Variants in DNAH17 observed in about 807,000 individuals in gnomAD.
DNAH17 encodes dynein axonemal heavy chain 17.
Under a neutral mutation model 485.6 loss-of-function variants are expected in DNAH17, and 376 were observed. The observed-to-expected ratio is 0.77, with a 90% CI of 0.71 to 0.84. The LOEUF (loss-of-function observed/expected upper bound fraction) is 0.84. Among genes scored for constraint, DNAH17 ranks in the 40% least tolerant of loss-of-function variants. The pLI is 0.00. For missense variants in DNAH17, 6,370 were observed against 5,839.3 expected (o/e 1.09, Z -2.96); for synonymous variants, 3,031 against 2,405.9 (o/e 1.26, Z -7.60).
chr17:78,434,141 G>A lies in DNAH17; in HGVS notation c.12113C>T (p.Ala4038Val), dbSNP rs985589314. The change falls in exon 75 of 81, where the codon GCA becomes GTA. Residue 4038 changes from alanine to valine, a missense_variant. Ala to Val is a moderately conservative substitution (Grantham distance 64, BLOSUM62 0). Transcript: ENST00000389840. ...CTGGGCGCCGAACTTGCGCCTCTCT[G>A]CCACCACAGCGTGGAAGTAGCACAG... ...FALCYFHAVV[A>V]ERRKFGAQGW... The A allele has an allele frequency of 8.1e-6, 13 of 1,613,540 alleles. No homozygotes were observed. The highest frequency in any genetic ancestry group is 1.1e-5 in the Non-Finnish European group (13 of 1,179,862).
intron 69 of DNAH17, among the ~76,000 whole-genome samples, chr17:78,447,556 A>C (rs1025435780): frequency 3.9e-5 from 6 of 152,196 alleles, no homozygotes; most frequent in Admixed American, 3.3e-4. Context: ...GATCCCATAG[A>C]GAGTTTCTTC....
intron 79 of DNAH17, 94 bp from the exon 80 acceptor site, chr17:78,425,665 C>T: frequency 8.7e-7 from 1 of 1,154,002 alleles, no homozygotes; most frequent in Non-Finnish European, 1.2e-6. Flanking sequence ...CACGCCAGAA[C>T]CTTCCACGGG....
At chr17:78,445,775 C>T in intron 69 of DNAH17, 95 bp from the exon 70 acceptor site, 2 of 1,424,136 alleles carry the variant, frequency 1.4e-6, no homozygotes, top group South Asian at 1.3e-5. Flanking sequence ...GTTCACACTC[C>T]CGGCCTGCAG....
Position 78,574,702 on chromosome 17 carries a change from G to T in DNAH17, c.345+11C>A. 1 of 1,586,256 alleles carries T rather than the reference G, an allele frequency of 6.3e-7. No individual in the cohort carries two copies. The highest frequency in any genetic ancestry group is 8.6e-7 in the Non-Finnish European group (1 of 1,163,802). On this transcript the variant is annotated intron_variant, in intron 2 of 80. Transcript: ENST00000389840. ...GCTCGACACCCCGGATGGCAGCCTG[G>T]ACGCACTCACCTCCTCCACCACCGC...
chr17:78,539,737 A>G lies in DNAH17; in HGVS notation c.2676T>C (p.Asp892=). 6.2e-7 allele frequency: 1 copy of G among 1,606,754 alleles called. No homozygotes were observed. Among genetic ancestry groups the G allele is most frequent in the South Asian group, 1.1e-5 (1 of 89,840 alleles). Reference sequence around the variant, plus strand: ...ATATTACCTTATGTTGATAACTTACATCTATAACCATGTTGTCCATTAGGA... The same window carrying G: ...ATATTACCTTATGTTGATAACTTACGTCTATAACCATGTTGTCCATTAGGA... ...LSFLMDNMVI[D]ESIAPLFEIR... is the part of the protein sequence containing the mutation. Residue 892 remains aspartate (D), a splice_region_variant and synonymous_variant, in exon 18 of 81, where the codon GAT becomes GAC. Transcript: ENST00000389840.
At chr17:78,549,610 A>C (rs1295298987) in intron 16 of DNAH17, among the ~76,000 whole-genome samples, 7 of 152,198 alleles carry the variant, frequency 4.6e-5, no homozygotes, top group Admixed American at 1.3e-4. Flanking sequence ...TTTAGTTAAA[A>C]ACTTCTGGTG....
In DNAH17 at chr17:78,459,773, C is replaced by T; in HGVS notation, c.9653+11G>A. On this transcript the variant is annotated intron_variant, in intron 60 of 80. Coordinates refer to ENST00000389840, the MANE Select transcript of DNAH17 (RefSeq NM_173628.4). ...GGGAAGCCCCGGCTACGAGGCCCAG[C>T]CCCGACTCACTTGAAGGCCTTCAGG... 1 of 1,613,878 alleles carries T rather than the reference C, an allele frequency of 6.2e-7. No individual in the cohort carries two copies. The highest frequency in any genetic ancestry group is 8.5e-7 in the Non-Finnish European group (1 of 1,179,798).
chr17:78,496,475 G>A (rs1412868226), intron 37 of DNAH17, among the ~76,000 whole-genome samples: 2 of 150,810 alleles, frequency 1.3e-5, no homozygotes, highest in South Asian at 4.2e-4. Context: ...GGCGGGGGGA[G>A]GGTGGGCGCG....
At chr17:78,506,909 C>T (rs2090500919) in intron 29 of DNAH17, 63 bp from the exon 30 acceptor site, 17 of 1,599,354 alleles carry the variant, frequency 1.1e-5, no homozygotes, top group Middle Eastern at 1.8e-4. Flanking sequence ...GTCTGCCACC[C>T]ACCCTGTCGG....
In DNAH17 at chr17:78,461,636, G is replaced by C. The variant is rs1470207320; in HGVS notation, c.9247C>G (p.Leu3083Val). The change falls in exon 58 of 81, where the codon CTG (leucine) becomes GTG (valine). Residue 3083 changes from leucine to valine, a missense_variant. Transcript: ENST00000389840. ...GCCTCGATGCCGACCACCTGGATCA[G>C]TTGGTCTGCGCTCTCATTCTTCTGC... The part of the protein sequence containing the change: ...LKQKNESADQ[L>V]IQVVGIEAEK... 6.2e-7 allele frequency: 1 copy of C among 1,611,796 alleles called. No homozygotes were observed. Among genetic ancestry groups the C allele is most frequent in the Non-Finnish European group, 8.5e-7 (1 of 1,179,268 alleles).
At chr17:78,563,282 C>G (rs1219687792) in intron 11 of DNAH17, among the ~76,000 whole-genome samples, 4 of 152,204 alleles carry the variant, frequency 2.6e-5, no homozygotes, top group Non-Finnish European at 5.9e-5. Flanking sequence ...CAGCCGTGGA[C>G]TCTCAGGCAG....
Position 78,466,795 on chromosome 17 carries a change from C to T in DNAH17, c.8800G>A (p.Val2934Met), listed in dbSNP as rs141643513. 9 of 1,597,176 alleles carry T rather than the reference C, an allele frequency of 5.6e-6. No individual in the cohort carries two copies. Among genetic ancestry groups the T allele is most frequent in the Middle Eastern group, 1.7e-4 (1 of 6,038 alleles). ...QLKVILCFSP[V>M]GSVLRVRARK... ...GCTCGTACCCGCAGCACGGAGCCCA[C>T]AGGGGAGAAACACAGGATCACCTGG... Residue 2934 changes from valine (V) to methionine (M), a missense_variant, in exon 56 of 81, where the codon GTG (valine) becomes ATG (methionine). Transcript: ENST00000389840.
At chr17:78,567,235 G>A in intron 9 of DNAH17, 69 bp from the exon 10 acceptor site, 1 of 1,520,940 alleles carries the variant, frequency 6.6e-7, no homozygotes. Flanking sequence ...TACAAAACTA[G>A]CTCTGACCCC....
Position 78,462,903 on chromosome 17 carries a change from C to T in DNAH17, c.9115G>A (p.Val3039Ile), listed in dbSNP as rs1361685888. The T allele has an allele frequency of 6.2e-7, 1 of 1,614,020 alleles. No homozygotes were observed. Among genetic ancestry groups the T allele is most frequent in the Non-Finnish European group, 8.5e-7 (1 of 1,179,896 alleles). ...NLLAKKRTEL[V>I]AKIERLENGL... ...TTCTCCAGCCTCTCGATTTTGGCAA[C>T]AAGTTCCGTTCTCTTCTTGGCCAGC... is the stretch of plus-strand genomic sequence containing the variant. Residue 3039 changes from valine (V) to isoleucine (I), a missense_variant, in exon 57 of 81, where the codon GTT (valine) becomes ATT (isoleucine). Val to Ile is a conservative substitution (Grantham distance 29). Transcript: ENST00000389840.
At position 78,492,755 on chromosome 17, in the gene DNAH17, G is replaced by A. The variant is rs747476455; in HGVS notation, c.6419C>T (p.Ser2140Phe). The part of the protein sequence containing the change: ...AGSGKSQVLK[S>F]LNKTYQNLKR... ...CAGGTTCTGATAGGTCTTGTTGAGG[G>A]ATTTGAGGACCTGGCGAAGGTGGGG... Residue 2140 changes from serine (S) to phenylalanine (F), a missense_variant, in exon 42 of 81, where the codon TCC becomes TTC. Coordinates refer to ENST00000389840, the MANE Select transcript of DNAH17 (RefSeq NM_173628.4). The A allele has an allele frequency of 1.2e-6, 2 of 1,611,528 alleles. No homozygotes were observed. Among genetic ancestry groups the A allele is most frequent in the Non-Finnish European group, 1.7e-6 (2 of 1,178,832 alleles).
rs1487216268 is a variant in DNAH17 at position 78,572,717 on chromosome 17, G to A, written c.523C>T (p.Leu175=). ...CCCACACACCTCTCCATGGACTCCAGCGTGCCATCCAGGCTGCCCAGGTGC... is the reference window on the plus strand; with the variant it reads ...CCCACACACCTCTCCATGGACTCCAACGTGCCATCCAGGCTGCCCAGGTGC... ...PEHLGSLDGT[L]ESMERIPSSL... is the part of the protein sequence containing the mutation. The change falls in exon 3 of 81, where the codon CTG becomes TTG. Residue 175 remains leucine, a synonymous_variant. Transcript: ENST00000389840. The A allele has an allele frequency of 6.2e-7, 1 of 1,607,756 alleles. No homozygotes were observed. Among genetic ancestry groups the A allele is most frequent in the East Asian group, 2.2e-5 (1 of 44,652 alleles).
chr17:78,552,208 G>T (rs1206537286), intron 15 of DNAH17, among the ~76,000 whole-genome samples: 1 of 152,212 alleles, frequency 6.6e-6, no homozygotes, highest in Non-Finnish European at 1.5e-5. Flanking sequence ...CACGTTAAAG[G>T]GTTCCACCTC....
At chr17:78,455,249 A>T (rs2087739550) in intron 63 of DNAH17, among the ~76,000 whole-genome samples, 3 of 151,584 alleles carry the variant, frequency 2.0e-5, no homozygotes, top group Non-Finnish European at 4.4e-5. Flanking sequence ...CCTGAGCCTC[A>T]TCACGGAAGT....
chr17:78,434,406 G>A (rs2086793431), intron 74 of DNAH17, among the ~76,000 whole-genome samples, 186 bp from the exon 75 acceptor site: 1 of 152,174 alleles, frequency 6.6e-6, no homozygotes. Flanking sequence ...GGCTGTCATG[G>A]CTGAGTACGA....
Sources: gnomAD v4.1 joint callset for allele counts (sites outside exome capture counted in the v4.1 genomes callset) on GRCh38, gnomAD v4.1.1 for gene constraint, MANE v1.5 for transcripts, NCBI Gene and HGNC (gene_info 2026-07-23, HGNC 2026-07-21) for gene names.